PLEKHA7: variants seen among roughly 807,000 people sequenced by gnomAD.
PLEKHA7 encodes pleckstrin homology domain containing A7, also known as pleckstrin homology domain-containing family A member 7.
In PLEKHA7, 104 loss-of-function variants were observed where a neutral mutation model predicts 170.0. The ratio of observed to expected loss-of-function variants is 0.61; its 90% confidence interval spans 0.52 to 0.72. The LOEUF (loss-of-function observed/expected upper bound fraction) is 0.72, where lower values mean the gene tolerates loss of function less well. Among genes scored for constraint, PLEKHA7 ranks in the 30% least tolerant of loss-of-function variants. The pLI is 0.00. For missense variants in PLEKHA7, 1,615 were observed against 1,671.7 expected, an observed-to-expected ratio of 0.97 and a Z score of 0.59; for synonymous variants, 648 against 660.8, an observed-to-expected ratio of 0.98 and a Z score of 0.30.
chr11:16,852,950 A>G (rs1853103127), intron 6 of PLEKHA7, among the ~76,000 whole-genome samples: 1 of 152,242 alleles, frequency 6.6e-6, no homozygotes, highest in South Asian at 2.1e-4. Flanking sequence ...GTATTTATCA[A>G]TAATGTTTTA....
intron 3 of PLEKHA7, among the ~76,000 whole-genome samples, chr11:16,934,701 T>A (rs1462748004): frequency 1.3e-5 from 2 of 152,170 alleles, no homozygotes; most frequent in African/African-American, 4.8e-5. Flanking sequence ...TTACCTCAAA[T>A]CCACTGTGGA....
intron 13 of PLEKHA7, 120 bp downstream of exon 13, chr11:16,812,993 G>A (rs1849483875): frequency 2.7e-6 from 2 of 731,550 alleles, no homozygotes; most frequent in South Asian, 3.8e-5. Flanking sequence ...GAGACATATT[G>A]ATTTAGAATT....
intron 4 of PLEKHA7, among the ~76,000 whole-genome samples, chr11:16,856,245 T>C (rs999048842): frequency 6.6e-6 from 1 of 152,242 alleles, no homozygotes; most frequent in Non-Finnish European, 1.5e-5. Context: ...CTGATGGGCA[T>C]GCACAGATGT....
At chr11:16,909,932 T>C (rs1204981220) in intron 3 of PLEKHA7, among the ~76,000 whole-genome samples, 2 of 152,136 alleles carry the variant, frequency 1.3e-5, no homozygotes, top group Non-Finnish European at 2.9e-5. Context: ...GGTAATAACC[T>C]AATGGCCAAT....
chr11:16,845,294 A>G (rs1852301956), intron 8 of PLEKHA7, among the ~76,000 whole-genome samples: 1 of 152,236 alleles, frequency 6.6e-6, no homozygotes, highest in South Asian at 2.1e-4. Flanking sequence ...CTTGCAGATC[A>G]TATAGGGTTT....
intron 24 of PLEKHA7, among the ~76,000 whole-genome samples, chr11:16,785,336 T>C (rs1485060696): frequency 6.6e-6 from 1 of 152,242 alleles, no homozygotes; most frequent in Non-Finnish European, 1.5e-5. Flanking sequence ...CATTTCCTCT[T>C]GTGCAGTTTC....
At chr11:16,886,163 A>G (rs140559002) in intron 3 of PLEKHA7, among the ~76,000 whole-genome samples, 2 of 152,300 alleles carry the variant, frequency 1.3e-5, no homozygotes, top group African/African-American at 4.8e-5. Flanking sequence ...CCACCCAAAG[A>G]GGCCACTGGC....
intron 23 of PLEKHA7, chr11:16,786,865 A>G (rs1344012491): frequency 2.0e-6 from 2 of 985,298 alleles, no homozygotes; most frequent in Non-Finnish European, 2.4e-6. Flanking sequence ...TCAACAAGAT[A>G]ACATTCGTAG....
chr11:16,952,336 G>A (rs4756878), intron 3 of PLEKHA7, among the ~76,000 whole-genome samples: 73,116 of 151,872 alleles, frequency 0.48, 18,421 homozygotes, highest in East Asian at 0.74. Context: ...TAAAAATGAC[G>A]GCAAAACTCA....
rs145693107 is a variant in PLEKHA7, at chr11:16,836,116, C to T, written c.872+5431G>A. Among the ~76,000 whole-genome samples the T allele has an allele frequency of 6.9e-3, 1,055 of 152,344 alleles. 12 individuals carry two copies. Among genetic ancestry groups the T allele is most frequent in the African/African-American group, 0.024 (992 of 41,574 alleles). On this transcript the variant is annotated intron_variant, in intron 9 of 26. Transcript: ENST00000531066. ...CTAATCAGTATGAATCTCAGAGCTT[C>T]TAGACCAGACTCTGGCTCTTTCCTA...
intron 10 of PLEKHA7, among the ~76,000 whole-genome samples, chr11:16,821,032 T>C (rs952228516): frequency 2.6e-5 from 4 of 152,056 alleles, no homozygotes; most frequent in Non-Finnish European, 5.9e-5. Context: ...TAACCTCCGG[T>C]CTTACCCAAA....
At chr11:16,885,702 G>A (rs379765) in intron 3 of PLEKHA7, among the ~76,000 whole-genome samples, 69,280 of 150,918 alleles carry the variant, frequency 0.46, 16,481 homozygotes, top group Non-Finnish European at 0.54. Flanking sequence ...GCTTTTGAAA[G>A]GTAAACCCCG....
chr11:16,882,873 T>TACAC (rs756811238), intron 3 of PLEKHA7, among the ~76,000 whole-genome samples: 1 of 48,174 alleles, frequency 2.1e-5, no homozygotes, highest in African/African-American at 5.9e-5. Flanking sequence ...CACACACACA[T>TACAC]ACACACACAC....
rs988168926 is a variant in PLEKHA7, at chr11:16,778,162, TG to T, written c.*835del. Reference sequence around the variant, plus strand: ...GCACATGCCTGTAATCCTAGCTACTTGGGAGGCTGAGGCAGGAGAATCACTT... The same window carrying T: ...GCACATGCCTGTAATCCTAGCTACTTGGAGGCTGAGGCAGGAGAATCACTT... On this transcript the variant is annotated 3_prime_UTR_variant, in exon 27 of 27. Coordinates refer to ENST00000531066, the MANE Select transcript of PLEKHA7 (RefSeq NM_001329630.2). The T allele has an allele frequency of 6.6e-6, 1 of 151,672 alleles. No homozygotes were observed. Among genetic ancestry groups the T allele is most frequent in the Non-Finnish European group, 1.5e-5 (1 of 68,000 alleles). The allele number at this position is 151,672 out of a possible 1,614,324, so 9.4% of individuals were successfully genotyped here. A position where few individuals can be genotyped will look rare whatever the true frequency, so the allele number is the denominator to read the frequency against.
intron 9 of PLEKHA7, among the ~76,000 whole-genome samples, chr11:16,837,254 A>T (rs1316797711): frequency 6.6e-6 from 1 of 152,230 alleles, no homozygotes; most frequent in Admixed American, 6.5e-5. Context: ...ATGGCCTGAG[A>T]CTAGGGAAAG....
Position 16,907,146 on chromosome 11 carries a change from G to A in PLEKHA7, c.222-35964C>T, listed in dbSNP as rs1417400229. The stretch of plus-strand genomic sequence containing the variant: ...AGCCCCCCGCCCGGCCAGCCGCCCC[G>A]TCCGGAAGGGAGGTGGGGGGGTTAG... On this transcript the variant is annotated intron_variant, in intron 3 of 26. Transcript: ENST00000531066. 2.1e-3 allele frequency among the ~76,000 whole-genome samples: 209 copies of A among 97,524 alleles called. 2 individuals carry two copies. The highest frequency in any genetic ancestry group is 3.1e-3 in the Non-Finnish European group (144 of 46,898). 64.0% of individuals were successfully genotyped at this position (97,524 alleles called of 152,430 possible). A position where few individuals can be genotyped will look rare whatever the true frequency, so the allele number is the denominator to read the frequency against.
At chr11:16,925,496 C>G (rs991793711) in intron 3 of PLEKHA7, among the ~76,000 whole-genome samples, 1 of 152,180 alleles carries the variant, frequency 6.6e-6, no homozygotes, top group African/African-American at 2.4e-5. Context: ...AACCCGCAGA[C>G]CCCCCGAAAG....
chr11:16,843,140 G>A (rs539496644), intron 8 of PLEKHA7, among the ~76,000 whole-genome samples: 1 of 152,318 alleles, frequency 6.6e-6, no homozygotes. Context: ...AACATTTGTT[G>A]AAAGAACGAA....
chr11:16,789,735 G>A lies in PLEKHA7; in HGVS notation c.3156+40C>T, dbSNP rs1847700550. 1 of 1,533,196 alleles carries A rather than the reference G, an allele frequency of 6.5e-7. No individual in the cohort carries two copies. Among genetic ancestry groups the A allele is most frequent in the South Asian group, 1.1e-5 (1 of 88,568 alleles). The allele number at this position is 1,533,196 out of a possible 1,614,324, so 95.0% of individuals were successfully genotyped here. On this transcript the variant is annotated intron_variant, in intron 22 of 26. Coordinates refer to ENST00000531066, the MANE Select transcript of PLEKHA7 (RefSeq NM_001329630.2). The surrounding 1 kb of genome is among the most constrained non-coding windows in gnomAD (Gnocchi z 4.6). Reference sequence around the variant, plus strand: ...CCTGGGAGACCCTCCCTCCCCATGTGAAGGAGCAGGGAGGTCCTCGACAGC... The same window carrying A: ...CCTGGGAGACCCTCCCTCCCCATGTAAAGGAGCAGGGAGGTCCTCGACAGC...
Sources: allele counts gnomAD v4.1 joint callset (sites outside exome capture counted in the v4.1 genomes callset), GRCh38; gene constraint gnomAD v4.1.1; non-coding constraint Gnocchi (gnomAD v3.1); transcripts MANE v1.5; gene names NCBI Gene and HGNC (gene_info 2026-07-23, HGNC 2026-07-21).